Variants in ALCAM observed in about 807,000 individuals in gnomAD.
ALCAM encodes activated leukocyte cell adhesion molecule, also known as CD166 antigen.
A neutral mutation model predicts 70.9 loss-of-function variants in ALCAM; 30 were observed. The ratio of observed to expected loss-of-function variants is 0.42; its 90% confidence interval spans 0.32 to 0.57. The LOEUF (loss-of-function observed/expected upper bound fraction) is 0.57, where lower values mean the gene tolerates loss of function less well. Among genes scored for constraint, ALCAM ranks in the 20% least tolerant of loss-of-function variants. The pLI is 0.11. For missense variants in ALCAM, 591 were observed against 695.1 expected, an observed-to-expected ratio of 0.85 and a Z score of 1.68; for synonymous variants, 249 against 242.5, an observed-to-expected ratio of 1.03 and a Z score of -0.25.
At chr3:105,445,211 C>T (rs944363507) in intron 1 of ALCAM, among the ~76,000 whole-genome samples, 15 of 151,804 alleles carry the variant, frequency 9.9e-5, no homozygotes, top group South Asian at 4.2e-4. Context: ...GAAAATAATC[C>T]GATTTACAAT....
intron 1 of ALCAM, among the ~76,000 whole-genome samples, chr3:105,381,082 A>G (rs938037354): frequency 4.0e-5 from 6 of 151,888 alleles, no homozygotes; most frequent in Non-Finnish European, 7.4e-5. Context: ...GTCCTAATCT[A>G]TGCAATGGGA....
intron 1 of ALCAM, among the ~76,000 whole-genome samples, chr3:105,432,179 T>C (rs559871724): frequency 1.2e-3 from 179 of 152,306 alleles, no homozygotes; most frequent in African/African-American, 3.9e-3. Flanking sequence ...TTATTGACAA[T>C]TGCAAAATAT....
chr3:105,531,849 T>G (rs540966822), intron 3 of ALCAM, among the ~76,000 whole-genome samples, 153 bp from the exon 4 acceptor site: 2 of 152,312 alleles, frequency 1.3e-5, no homozygotes, highest in South Asian at 4.1e-4. Context: ...GACCTATAGA[T>G]TCCCCAAATC....
chr3:105,447,231 C>G (rs544866187), intron 1 of ALCAM, among the ~76,000 whole-genome samples: 1 of 151,998 alleles, frequency 6.6e-6, no homozygotes, highest in Non-Finnish European at 1.5e-5. Context: ...ATATATGTTA[C>G]TCCTTTAAAC....
chr3:105,518,590 T>C (rs1375782222), intron 1 of ALCAM, among the ~76,000 whole-genome samples: 4 of 152,058 alleles, frequency 2.6e-5, no homozygotes, highest in African/African-American at 9.7e-5. Context: ...AATTTCTTCA[T>C]TTACAGTCTT....
intron 1 of ALCAM, among the ~76,000 whole-genome samples, chr3:105,493,976 G>A (rs1938661996): frequency 6.6e-6 from 1 of 152,160 alleles, no homozygotes; most frequent in African/African-American, 2.4e-5. Flanking sequence ...CTTGTAAATA[G>A]TAAAGCCAGC....
intron 1 of ALCAM, among the ~76,000 whole-genome samples, chr3:105,482,758 A>G (rs2152608076): frequency 6.6e-6 from 1 of 152,316 alleles, no homozygotes; most frequent in African/African-American, 2.4e-5. Flanking sequence ...TATATTAAAA[A>G]GCAATGTAAT....
chr3:105,367,468 C>T lies in ALCAM; in HGVS notation c.60C>T (p.Thr20=), dbSNP rs148340016. Residue 20 remains threonine (T), a synonymous_variant, in exon 1 of 16, where the codon ACC becomes ACT. Coordinates refer to ENST00000306107, the MANE Select transcript of ALCAM (RefSeq NM_001627.4). ...RLLFCLLISA[T]VFRPGLGWYT... Reference sequence around the variant, plus strand: ...TCTTCTGCCTCTTGATCTCCGCCACCGTCTTCAGGCCAGGTGAGCAAGGGC... The same window carrying T: ...TCTTCTGCCTCTTGATCTCCGCCACTGTCTTCAGGCCAGGTGAGCAAGGGC... 42 of 1,613,936 alleles carry T rather than the reference C, an allele frequency of 2.6e-5. 1 individual carries two copies. In the South Asian group the frequency reaches 4.0e-4, roughly 15 times the overall value.
chr3:105,558,578 T>C (rs1940566542), intron 14 of ALCAM, among the ~76,000 whole-genome samples: 1 of 152,098 alleles, frequency 6.6e-6, no homozygotes, highest in Non-Finnish European at 1.5e-5. Context: ...CCTACCCCTT[T>C]TGAGATTTCA....
chr3:105,550,413 C>CT (rs1940363775), intron 12 of ALCAM, among the ~76,000 whole-genome samples, 154 bp downstream of exon 12: 1 of 151,044 alleles, frequency 6.6e-6, no homozygotes, highest in Non-Finnish European at 1.5e-5. Flanking sequence ...GTTATTTTTT[C>CT]TTTTTTCCTG....
intron 1 of ALCAM, among the ~76,000 whole-genome samples, chr3:105,399,423 A>T (rs1487346139): frequency 6.6e-6 from 1 of 152,130 alleles, no homozygotes; most frequent in Admixed American, 6.6e-5. Context: ...ATCAGAATAT[A>T]AATTTTATTA....
chr3:105,451,600 G>A (rs558266466), intron 1 of ALCAM, among the ~76,000 whole-genome samples: 6 of 152,146 alleles, frequency 3.9e-5, no homozygotes, highest in African/African-American at 1.4e-4. Context: ...GAAAATAAAA[G>A]CATTAAAAAA....
At chr3:105,560,772 C>T (rs1271437516) in intron 14 of ALCAM, among the ~76,000 whole-genome samples, 3 of 152,082 alleles carry the variant, frequency 2.0e-5, no homozygotes, top group Non-Finnish European at 1.5e-5. Flanking sequence ...GCCATTCCAG[C>T]ACTTGTTAAA....
chr3:105,459,418 G>A (rs1937574745), intron 1 of ALCAM, among the ~76,000 whole-genome samples: 2 of 151,764 alleles, frequency 1.3e-5, no homozygotes, highest in African/African-American at 2.4e-5. Context: ...GGGAAGACAG[G>A]GGTATTATCT....
At chr3:105,475,712 T>C (rs144580965) in intron 1 of ALCAM, among the ~76,000 whole-genome samples, 1 of 152,100 alleles carries the variant, frequency 6.6e-6, no homozygotes, top group Admixed American at 6.6e-5. Flanking sequence ...TTTCTGACTA[T>C]TGGACTAGTT....
intron 1 of ALCAM, among the ~76,000 whole-genome samples, chr3:105,418,234 A>AT (rs974392675): frequency 6.6e-6 from 1 of 151,918 alleles, no homozygotes; most frequent in African/African-American, 2.4e-5. Flanking sequence ...GAACAAAGGC[A>AT]TTGAAGAGGT....
At chr3:105,526,459 A>G (rs914553936) in intron 3 of ALCAM, among the ~76,000 whole-genome samples, 3 of 152,094 alleles carry the variant, frequency 2.0e-5, no homozygotes, top group Admixed American at 2.0e-4. Flanking sequence ...AAACAAACTC[A>G]CACCCCACCT....
At chr3:105,537,835 T>C (rs542433229) in intron 6 of ALCAM, among the ~76,000 whole-genome samples, 12 of 152,146 alleles carry the variant, frequency 7.9e-5, no homozygotes, top group Non-Finnish European at 1.3e-4. Flanking sequence ...TTCAACTTCC[T>C]AATTCCAGCA....
At chr3:105,501,296 C>T (rs942523775) in intron 1 of ALCAM, among the ~76,000 whole-genome samples, 5 of 152,058 alleles carry the variant, frequency 3.3e-5, no homozygotes, top group Non-Finnish European at 7.4e-5. Flanking sequence ...ATTGGCAAGT[C>T]GGTTGAAACA....
Sources: allele counts gnomAD v4.1 joint callset (sites outside exome capture counted in the v4.1 genomes callset), GRCh38; gene constraint gnomAD v4.1.1; transcripts MANE v1.5; gene names NCBI Gene and HGNC (gene_info 2026-07-23, HGNC 2026-07-21).